The following N4BP2L2 variants were observed in gnomAD, a reference collection of about 807,000 sequenced individuals.
The protein encoded by N4BP2L2 is NEDD4 binding protein 2 like 2, also known as NEDD4-binding protein 2-like 2.
A neutral mutation model predicts 56.2 loss-of-function variants in N4BP2L2; 50 were observed. The observed-to-expected ratio is 0.89, with a 90% CI of 0.71 to 1.13. The LOEUF is 1.13. N4BP2L2 is among the 50% of genes most tolerant of loss of function. The pLI, the probability that N4BP2L2 is intolerant of heterozygous loss-of-function variation, is 0.00. For missense variants in N4BP2L2, 689 were observed against 693.8 expected (o/e 0.99, Z 0.08); for synonymous variants, 203 against 223.6 (o/e 0.91, Z 0.82).
chr13:32,433,638 TAAA>T (rs1290743809), intron 9 of N4BP2L2, among the ~76,000 whole-genome samples: 2 of 136,962 alleles, frequency 1.5e-5, no homozygotes, highest in African/African-American at 5.5e-5. Context: ...ATAATAATAA[TAAA>T]AAAGGCTGGG....
intron 6 of N4BP2L2, among the ~76,000 whole-genome samples, chr13:32,468,351 A>G (rs1274770736): frequency 1.3e-5 from 2 of 152,210 alleles, no homozygotes; most frequent in African/African-American, 4.8e-5. Context: ...TAATTTCAAG[A>G]AAAAAGCAGT....
At chr13:32,466,198 T>C (rs1052040437) in intron 6 of N4BP2L2, among the ~76,000 whole-genome samples, 3 of 152,196 alleles carry the variant, frequency 2.0e-5, no homozygotes, top group African/African-American at 7.2e-5. Flanking sequence ...AAATGGAATA[T>C]GATATTGTAG....
chr13:32,521,297 A>C (rs1566168259), intron 5 of N4BP2L2, 76 bp downstream of exon 5: 2 of 1,146,150 alleles, frequency 1.7e-6, no homozygotes, highest in Non-Finnish European at 2.6e-6. Context: ...TGTATTCAAT[A>C]AACTGTGAAA....
At chr13:32,455,026 C>T (rs2078727699) in intron 6 of N4BP2L2, among the ~76,000 whole-genome samples, 1 of 152,168 alleles carries the variant, frequency 6.6e-6, no homozygotes, top group Non-Finnish European at 1.5e-5. Flanking sequence ...CAGGGAGCTG[C>T]CTGGAGATGA....
chr13:32,480,930 C>T (rs2084531913), intron 6 of N4BP2L2, among the ~76,000 whole-genome samples: 1 of 151,522 alleles, frequency 6.6e-6, no homozygotes, highest in Admixed American at 6.6e-5. Context: ...ACCAGCCTGG[C>T]CAACATGGTG....
intron 9 of N4BP2L2, among the ~76,000 whole-genome samples, chr13:32,434,869 C>T (rs957789093): frequency 1.3e-5 from 2 of 152,104 alleles, no homozygotes; most frequent in Non-Finnish European, 2.9e-5. Context: ...TGAGAAGACC[C>T]GACAGTTTAG....
intron 3 of N4BP2L2, among the ~76,000 whole-genome samples, chr13:32,526,502 C>A (rs539892428): frequency 3.3e-5 from 5 of 152,088 alleles, no homozygotes; most frequent in South Asian, 2.1e-4. Flanking sequence ...GGGGTACAAA[C>A]AAAAAGATAA....
At chr13:32,492,273 A>ATTTT (rs72053635) in intron 6 of N4BP2L2, among the ~76,000 whole-genome samples, 1,403 of 72,084 alleles carry the variant, frequency 0.019, 237 homozygotes, top group African/African-American at 0.033. Flanking sequence ...AAACACCAAA[A>ATTTT]TTTTTTTTTT....
chr13:32,449,733 A>T (rs2077597847), intron 6 of N4BP2L2, among the ~76,000 whole-genome samples: 1 of 152,224 alleles, frequency 6.6e-6, no homozygotes, highest in Admixed American at 6.5e-5. Context: ...TTATGTATTA[A>T]CAACAACAAA....
At chr13:32,483,208 G>T (rs9595617) in intron 6 of N4BP2L2, among the ~76,000 whole-genome samples, 41,613 of 152,058 alleles carry the variant, frequency 0.27, 6,883 homozygotes, top group Non-Finnish European at 0.37. Flanking sequence ...TCACAAATGG[G>T]TTCAACTGAA....
chr13:32,491,874 C>A (rs2087185171), intron 6 of N4BP2L2, among the ~76,000 whole-genome samples: 1 of 152,002 alleles, frequency 6.6e-6, no homozygotes, highest in South Asian at 2.1e-4. Flanking sequence ...TCCTGATCTG[C>A]CCGCTTCGGC....
intron 6 of N4BP2L2, among the ~76,000 whole-genome samples, chr13:32,491,544 TAC>T (rs2087065804): frequency 6.8e-6 from 1 of 147,694 alleles, no homozygotes; most frequent in Non-Finnish European, 1.5e-5. Flanking sequence ...ACTATATATA[TAC>T]TATATATAAA....
intron 6 of N4BP2L2, among the ~76,000 whole-genome samples, chr13:32,458,932 A>G (rs928466791): frequency 1.3e-5 from 2 of 152,210 alleles, no homozygotes; most frequent in African/African-American, 4.8e-5. Flanking sequence ...CTGTAATCAT[A>G]TCAAGTATCT....
At chr13:32,466,226 CTAATA>C (rs2081213655) in intron 6 of N4BP2L2, among the ~76,000 whole-genome samples, 2 of 152,060 alleles carry the variant, frequency 1.3e-5, no homozygotes, top group South Asian at 4.1e-4. Context: ...AAATGAACTA[CTAATA>C]TCTGCATTAA....
chr13:32,506,774 A>G (rs1175915556), downstream of N4BP2L2: 1 of 152,184 alleles, frequency 6.6e-6, no homozygotes, highest in Non-Finnish European at 1.5e-5. Context: ...GGAATACAGA[A>G]AGTGAGAAAA....
intron 6 of N4BP2L2, among the ~76,000 whole-genome samples, chr13:32,469,925 C>G (rs749654088): frequency 6.6e-6 from 1 of 152,256 alleles, no homozygotes; most frequent in Admixed American, 6.5e-5. Context: ...GGCTGAGGTG[C>G]CTTGCTCAGA....
intron 2 of N4BP2L2, among the ~76,000 whole-genome samples, chr13:32,527,779 C>CT (rs11374781): frequency 0.33 from 46,437 of 139,430 alleles, 7,707 homozygotes; most frequent in Non-Finnish European, 0.37. Context: ...AACAGAAACT[C>CT]TTTTTTTTTT....
exon 2 of N4BP2L2, chr13:32,536,587 A>G (rs1430621813): frequency 6.2e-7 from 1 of 1,613,854 alleles, no homozygotes. Context: ...CATTTATACC[A>G]TTTAGAACAT....
chr13:32,446,469 A>C, intron 6 of N4BP2L2: 4 of 1,332,744 alleles, frequency 3.0e-6, no homozygotes, highest in Non-Finnish European at 4.0e-6. Context: ...CTTTACTCAA[A>C]TGTGAACCAT....
Sources: gnomAD v4.1 joint callset for allele counts (sites outside exome capture counted in the v4.1 genomes callset) on GRCh38, gnomAD v4.1.1 for gene constraint, MANE v1.5 for transcripts, NCBI Gene and HGNC (gene_info 2026-07-23, HGNC 2026-07-21) for gene names.